BCL6B: variants seen among roughly 807,000 people sequenced by gnomAD.
BCL6B encodes BCL6B transcription repressor.
In BCL6B, 28 loss-of-function variants were observed where a neutral mutation model predicts 44.6. The ratio of observed to expected loss-of-function variants is 0.63; its 90% CI spans 0.47 to 0.86. The LOEUF is 0.86. BCL6B is among the 40% of genes least tolerant of loss of function. The pLI is 0.00. For missense variants in BCL6B, 626 were observed against 652.3 expected, an observed-to-expected ratio of 0.96 and a Z score of 0.44; for synonymous variants, 268 against 263.6, an observed-to-expected ratio of 1.02 and a Z score of -0.16.
At chr17:7,023,886 G>T (rs1279205124) in intron 2 of BCL6B, 36 bp downstream of exon 2, 1 of 1,601,644 alleles carries the variant, frequency 6.2e-7, no homozygotes, top group African/African-American at 1.3e-5. Flanking sequence ...GGCCAAATGG[G>T]AAAGGGGTGG....
At chr17:7,025,034 A>G in intron 4 of BCL6B, 42 bp from the exon 5 acceptor site, 26 of 1,607,006 alleles carry the variant, frequency 1.6e-5, no homozygotes, top group Non-Finnish European at 2.1e-5. Context: ...CCACCCCTCA[A>G]CCGTACAATC....
At position 7,023,690 on chromosome 17, in the gene BCL6B, C is replaced by CCGGAGGGCGCG. The variant is rs757431684; in HGVS notation, c.26_27insCGCGCGGAGGG (p.Leu11ArgfsTer106). On this transcript the variant is annotated frameshift_variant, in exon 2 of 9. Coordinates refer to ENST00000293805, the MANE Select transcript of BCL6B (RefSeq NM_181844.4). LOFTEE classifies it high-confidence loss of function. ...TGTCGCTATGGGTTCCCCCGCCGCC[C>CCGGAGGGCGCG]CGGAGGGAGCGCTGGGCTACGTCCG... The CCGGAGGGCGCG allele has an allele frequency of 1.2e-6, 2 of 1,612,786 alleles. No individual in the cohort carries two copies. Among genetic ancestry groups the CCGGAGGGCGCG allele is most frequent in the Non-Finnish European group, 8.5e-7 (1 of 1,179,884 alleles).
Position 7,023,854 on chromosome 17 carries a change from C to T in BCL6B, c.179+4C>T, listed in dbSNP as rs771374234. 3.1e-6 allele frequency: 3 copies of T among 962,014 alleles called. No homozygotes were observed. The highest frequency in any genetic ancestry group is 1.9e-5 in the Admixed American group (1 of 51,286). The allele number at this position is 962,014 out of a possible 1,614,324, so 59.6% of individuals were successfully genotyped here. ...AGGCAGTTCTCATCGCCTGCAGGTT[C>T]GAGGGGTGGGGCCTGGGGCGGGGCC... On this transcript the variant is annotated splice_donor_region_variant and intron_variant, in intron 2 of 8. Coordinates refer to ENST00000293805, the MANE Select transcript of BCL6B (RefSeq NM_181844.4).
rs1230740425 is a variant in BCL6B, at chr17:7,026,989, G to C, written c.1225G>C (p.Glu409Gln). Residue 409 changes from glutamate to glutamine, a missense_variant, in exon 8 of 9, where the codon GAG becomes CAG. Glu to Gln is a conservative substitution (Grantham distance 29). Coordinates refer to ENST00000293805, the MANE Select transcript of BCL6B (RefSeq NM_181844.4). ...GGCGCACGTGCTGATCCACACCGGG[G>C]AGAAGCCCTACCCTTGCCCTACCTG... ...LRAHVLIHTG[E>Q]KPYPCPTCGT... 6 of 1,613,410 alleles carry C rather than the reference G, an allele frequency of 3.7e-6. No individual in the cohort carries two copies. Among genetic ancestry groups the C allele is most frequent in the Admixed American group, 3.3e-5 (2 of 59,998 alleles).
rs1198593652 is a variant in BCL6B, at chr17:7,024,035, C to T, written c.180-48C>T. On this transcript the variant is annotated intron_variant, in intron 2 of 8. Transcript: ENST00000293805. The surrounding 1 kb of genome is among the most constrained non-coding windows in gnomAD (Gnocchi z 6.6). ...CGGGGCTTCCTGAAGCTGCGCATGT[C>T]TCCCTTGGTTCCCCAGCCCCCAAAG... 8 of 1,587,146 alleles carry T rather than the reference C, an allele frequency of 5.0e-6. No individual in the cohort carries two copies. The highest frequency in any genetic ancestry group is 6.9e-6 in the Non-Finnish European group (8 of 1,158,190).
At position 7,026,686 on chromosome 17, in the gene BCL6B, C is replaced by G; in HGVS notation, c.1055-19C>G. ...GTCCTAGGGCAAAGTCCCTGATCTC[C>G]CATGTTCTCTGCCTCCAGGGGAAAA... On this transcript the variant is annotated intron_variant, in intron 6 of 8. Transcript: ENST00000293805. The G allele has an allele frequency of 6.2e-7, 1 of 1,614,250 alleles. No individual in the cohort carries two copies. The highest frequency in any genetic ancestry group is 8.5e-7 in the Non-Finnish European group (1 of 1,180,038).
In BCL6B at chr17:7,029,413, A is replaced by C; in HGVS notation, c.*1794A>C. On this transcript the variant is annotated 3_prime_UTR_variant, in exon 9 of 9. Coordinates refer to ENST00000293805, the MANE Select transcript of BCL6B (RefSeq NM_181844.4). Reference sequence around the variant, plus strand: ...AGAACTTCAACAATAAGTCAGTTCTAGTGGCTGTCGCCTGGGGACTAGTGA... The same window carrying C: ...AGAACTTCAACAATAAGTCAGTTCTCGTGGCTGTCGCCTGGGGACTAGTGA... 9.8e-7 allele frequency: 1 copy of C among 1,016,654 alleles called. No individual in the cohort carries two copies. Among genetic ancestry groups the C allele is most frequent in the Non-Finnish European group, 1.2e-6 (1 of 847,820 alleles). The allele number at this position is 1,016,654 out of a possible 1,614,324, so 63.0% of individuals were successfully genotyped here.
rs945370507 is a variant in BCL6B, at chr17:7,029,406, C to T, written c.*1787C>T. On this transcript the variant is annotated 3_prime_UTR_variant, in exon 9 of 9. Transcript: ENST00000293805. ...GTGGGGTAGAACTTCAACAATAAGTCAGTTCTAGTGGCTGTCGCCTGGGGA... is the reference window on the plus strand; with the variant it reads ...GTGGGGTAGAACTTCAACAATAAGTTAGTTCTAGTGGCTGTCGCCTGGGGA... 1.0e-6 allele frequency: 1 copy of T among 1,002,982 alleles called. No homozygotes were observed. Among genetic ancestry groups the T allele is most frequent in the Admixed American group, 5.5e-5 (1 of 18,276 alleles). 62.1% of individuals were successfully genotyped at this position (1,002,982 alleles called of 1,614,324 possible).
chr17:7,024,315 C>T lies in BCL6B; in HGVS notation c.401+11C>T. ...CTTCATCCAGGCCAGGTGAGGGACC[C>T]TGGCTCGGCGTTCTCTGTGGGTGAG... On this transcript the variant is annotated intron_variant, in intron 3 of 8. Coordinates refer to ENST00000293805, the MANE Select transcript of BCL6B (RefSeq NM_181844.4). The surrounding 1 kb of genome is among the most constrained non-coding windows in gnomAD (Gnocchi z 6.6). 1.2e-6 allele frequency: 2 copies of T among 1,613,802 alleles called. No homozygotes were observed. Among genetic ancestry groups the T allele is most frequent in the Non-Finnish European group, 1.7e-6 (2 of 1,180,004 alleles).
intron 8 of BCL6B, 139 bp downstream of exon 8, chr17:7,027,226 G>T (rs1485539449): frequency 8.1e-7 from 1 of 1,237,952 alleles, no homozygotes; most frequent in Non-Finnish European, 1.1e-6. Flanking sequence ...AGCAAATAAG[G>T]GGTGGAGGCT....
At position 7,029,295 on chromosome 17, in the gene BCL6B, C is replaced by T. The variant is rs1261818551; in HGVS notation, c.*1676C>T. On this transcript the variant is annotated 3_prime_UTR_variant, in exon 9 of 9. Transcript: ENST00000293805. The stretch of plus-strand genomic sequence containing the variant: ...TGAAATGTTAGAAGAAGCGCTGAAG[C>T]CTTGATTGATAGTTCTGCCCCTTGT... The T allele has an allele frequency of 1.0e-6, 1 of 986,926 alleles. No individual in the cohort carries two copies. The highest frequency in any genetic ancestry group is 1.2e-6 in the Non-Finnish European group (1 of 831,056). The allele number at this position is 986,926 out of a possible 1,614,324, so 61.1% of individuals were successfully genotyped here.
At chr17:7,023,588 G>A in intron 1 of BCL6B, 72 bp from the exon 2 acceptor site, 1 of 1,447,448 alleles carries the variant, frequency 6.9e-7, no homozygotes, top group Non-Finnish European at 9.3e-7. Context: ...ACCTCGGAAG[G>A]AAAAGGCAAA....
Position 7,026,742 on chromosome 17 carries a change from T to C in BCL6B, c.1092T>C (p.Arg364=). The change falls in exon 7 of 9, where the codon CGT becomes CGC. Residue 364 remains arginine, a synonymous_variant. Transcript: ENST00000293805. Reference sequence around the variant, plus strand: ...ACCACTGCTCAATCTGCGGAGCCCGTTTTAACCGGCCAGCAAACCTGAAAA... The same window carrying C: ...ACCACTGCTCAATCTGCGGAGCCCGCTTTAACCGGCCAGCAAACCTGAAAA... The part of the protein sequence containing the change: ...KPYHCSICGA[R]FNRPANLKTH... 6.2e-7 allele frequency: 1 copy of C among 1,614,160 alleles called. No individual in the cohort carries two copies. Among genetic ancestry groups the C allele is most frequent in the African/African-American group, 1.3e-5 (1 of 75,036 alleles).
Position 7,024,046 on chromosome 17 carries a change from C to A in BCL6B, c.180-37C>A. On this transcript the variant is annotated intron_variant, in intron 2 of 8. Coordinates refer to ENST00000293805, the MANE Select transcript of BCL6B (RefSeq NM_181844.4). This position sits in a 1 kb window ranked among gnomAD's most constrained non-coding sequence, Gnocchi z 6.6. ...GAAGCTGCGCATGTCTCCCTTGGTT[C>A]CCCAGCCCCCAAAGGACTTATCTGC... is the stretch of plus-strand genomic sequence containing the variant. 1 of 1,600,622 alleles carries A rather than the reference C, an allele frequency of 6.2e-7. No individual in the cohort carries two copies. The highest frequency in any genetic ancestry group is 1.1e-5 in the South Asian group (1 of 90,790).
rs1483972503 is a variant in BCL6B, at chr17:7,028,822, T to C, written c.*1203T>C. The stretch of plus-strand genomic sequence containing the variant: ...ACCCATCCTTTACTACAGAGGCATA[T>C]GGGTTTGAATGTTACCTGGGGTTCT... On this transcript the variant is annotated 3_prime_UTR_variant, in exon 9 of 9. Transcript: ENST00000293805. 2 of 985,318 alleles carry C rather than the reference T, an allele frequency of 2.0e-6. No homozygotes were observed. Among genetic ancestry groups the C allele is most frequent in the Non-Finnish European group, 2.4e-6 (2 of 829,928 alleles). The allele number at this position is 985,318 out of a possible 1,614,324, so 61.0% of individuals were successfully genotyped here.
intron 5 of BCL6B, 36 bp from the exon 6 acceptor site, chr17:7,026,421 A>G (rs778285540): frequency 1.9e-6 from 3 of 1,608,788 alleles, no homozygotes; most frequent in Admixed American, 1.7e-5. Flanking sequence ...GCCCTCATTA[A>G]TAACTATGGT....
At chr17:7,025,348 A>G (rs1266468787) in intron 5 of BCL6B, 148 bp downstream of exon 5, 1 of 1,142,406 alleles carries the variant, frequency 8.8e-7, no homozygotes, top group African/African-American at 1.6e-5. Context: ...CCCACTGCCC[A>G]GGTCACACTC....
rs1246976906 is a variant in BCL6B, at chr17:7,029,150, T to TG, written c.*1532dup. 1 of 985,542 alleles carries TG rather than the reference T, an allele frequency of 1.0e-6. No homozygotes were observed. Among genetic ancestry groups the TG allele is most frequent in the South Asian group, 4.7e-5 (1 of 21,300 alleles). The allele number at this position is 985,542 out of a possible 1,614,324, so 61.0% of individuals were successfully genotyped here. A position where few individuals can be genotyped will look rare whatever the true frequency, so the allele number is the denominator to read the frequency against. ...TTGACTAGCCCATAGGCCAAAGGCC[T>TG]GTTCTAGTTGACCAAGTTTCAAGTA... is the stretch of plus-strand genomic sequence containing the variant. On this transcript the variant is annotated 3_prime_UTR_variant, in exon 9 of 9. Coordinates refer to ENST00000293805, the MANE Select transcript of BCL6B (RefSeq NM_181844.4).
chr17:7,029,203 G>A lies in BCL6B; in HGVS notation c.*1584G>A. 1 of 986,012 alleles carries A rather than the reference G, an allele frequency of 1.0e-6. No homozygotes were observed. 61.1% of individuals were successfully genotyped at this position (986,012 alleles called of 1,614,324 possible). Reference sequence around the variant, plus strand: ...ATTAAGAGGTTGGTTGAGGGGTGCAGTTTCTGGTGTAGGCCAGGTAGGTAG... The same window carrying A: ...ATTAAGAGGTTGGTTGAGGGGTGCAATTTCTGGTGTAGGCCAGGTAGGTAG... On this transcript the variant is annotated 3_prime_UTR_variant, in exon 9 of 9. Coordinates refer to ENST00000293805, the MANE Select transcript of BCL6B (RefSeq NM_181844.4).
Sources: allele counts gnomAD v4.1 joint callset, GRCh38; gene constraint gnomAD v4.1.1; non-coding constraint Gnocchi (gnomAD v3.1); transcripts MANE v1.5; gene names NCBI Gene and HGNC (gene_info 2026-07-23, HGNC 2026-07-21).